Variants in PTPRJ observed in about 807,000 individuals in gnomAD.
PTPRJ encodes protein tyrosine phosphatase receptor type J.
PTPRJ carries 129 observed loss-of-function variants against 141.3 expected under a neutral mutation model. The ratio of observed to expected loss-of-function variants is 0.91; its 90% CI spans 0.79 to 1.06. PTPRJ has a LOEUF of 1.06. Ranked by LOEUF, PTPRJ falls within the 50% of genes least tolerant of loss-of-function variation. The pLI is 0.00. For missense variants in PTPRJ, 1,601 were observed against 1,679.7 expected (o/e 0.95, Z 0.82); for synonymous variants, 610 against 640.5 (o/e 0.95, Z 0.72).
intron 1 of PTPRJ, among the ~76,000 whole-genome samples, chr11:47,999,473 T>C (rs1440350714): frequency 6.6e-6 from 1 of 152,324 alleles, no homozygotes; most frequent in East Asian, 1.9e-4. Context: ...ATTCTCCCAA[T>C]TAGAACTTAG....
chr11:48,159,947 T>C lies in PTPRJ; in HGVS notation c.3456T>C (p.Tyr1152=). ...TGTTCTAGACCAAATGTGAGGAGTATTGGCCCTCCAAGCAGGCTCAGGACT... is the reference window on the plus strand; with the variant it reads ...TGTTCTAGACCAAATGTGAGGAGTACTGGCCCTCCAAGCAGGCTCAGGACT... The part of the protein sequence containing the change: ...VEQGRTKCEE[Y]WPSKQAQDYG... Residue 1152 remains tyrosine (Y), a synonymous_variant, in exon 22 of 25, where the codon TAT becomes TAC. Coordinates refer to ENST00000418331, the MANE Select transcript of PTPRJ (RefSeq NM_002843.4). The C allele has an allele frequency of 1.2e-6, 2 of 1,613,970 alleles. No homozygotes were observed. Among genetic ancestry groups the C allele is most frequent in the East Asian group, 2.2e-5 (1 of 44,858 alleles).
chr11:48,144,474 G>A lies in PTPRJ; in HGVS notation c.2576-201G>A, dbSNP rs1857305826. On this transcript the variant is annotated intron_variant, in intron 12 of 24. Transcript: ENST00000418331. Reference sequence around the variant, plus strand: ...TGTAAAATGGAGACAATAAGCTTATGTGATGGGATTCATGGGGATGAAGTG... The same window carrying A: ...TGTAAAATGGAGACAATAAGCTTATATGATGGGATTCATGGGGATGAAGTG... Among the ~76,000 whole-genome samples the A allele has an allele frequency of 2.0e-5, 3 of 152,220 alleles. No individual in the cohort carries two copies. In the South Asian group the frequency reaches 6.2e-4, roughly 31 times the overall value.
At chr11:48,163,164 G>C (rs1857828886) in intron 22 of PTPRJ, among the ~76,000 whole-genome samples, 1 of 152,172 alleles carries the variant, frequency 6.6e-6, no homozygotes, top group African/African-American at 2.4e-5. Flanking sequence ...TCTGAATGCA[G>C]AATTGGAGGA....
At chr11:48,157,289 A>AT (rs1338981217) in intron 21 of PTPRJ, among the ~76,000 whole-genome samples, 2 of 152,132 alleles carry the variant, frequency 1.3e-5, no homozygotes, top group African/African-American at 2.4e-5. Flanking sequence ...CCTGGCCAAT[A>AT]TTTTTTATAG....
intron 1 of PTPRJ, among the ~76,000 whole-genome samples, chr11:47,987,214 G>T (rs1456092380): frequency 6.7e-6 from 1 of 149,794 alleles, no homozygotes; most frequent in East Asian, 1.9e-4. Flanking sequence ...GTCTCAAAAA[G>T]AAAAAAAATA....
At chr11:48,067,288 C>T (rs573394688) in intron 1 of PTPRJ, among the ~76,000 whole-genome samples, 2 of 152,256 alleles carry the variant, frequency 1.3e-5, no homozygotes, top group African/African-American at 4.8e-5. Context: ...GGAGGAGACA[C>T]CATTCTGCGG....
Position 48,112,787 on chromosome 11 carries a change from C to T in PTPRJ, c.156C>T (p.Ala52=). The T allele has an allele frequency of 6.2e-7, 1 of 1,614,132 alleles. No homozygotes were observed. The highest frequency in any genetic ancestry group is 8.5e-7 in the Non-Finnish European group (1 of 1,180,026). ...PIPDPSVATV[A]TGENGITQIS... Reference sequence around the variant, plus strand: ...CTGACCCTTCAGTAGCAACTGTTGCCACAGGGGAAAATGGCATAACGCAGA... The same window carrying T: ...CTGACCCTTCAGTAGCAACTGTTGCTACAGGGGAAAATGGCATAACGCAGA... Residue 52 remains alanine (A), a synonymous_variant, in exon 3 of 25, where the codon GCC becomes GCT. Transcript: ENST00000418331.
At chr11:48,125,953 C>G (rs1308997854) in intron 6 of PTPRJ, among the ~76,000 whole-genome samples, 1 of 152,078 alleles carries the variant, frequency 6.6e-6, no homozygotes, top group African/African-American at 2.4e-5. Context: ...CTCATGGGGC[C>G]TGCAGTGACC....
At chr11:47,996,430 G>T (rs1854339740) in intron 1 of PTPRJ, among the ~76,000 whole-genome samples, 1 of 151,908 alleles carries the variant, frequency 6.6e-6, no homozygotes, top group Admixed American at 6.6e-5. Flanking sequence ...TTCCCTTATA[G>T]CTGTGTGACC....
At chr11:48,117,792 G>GT (rs139100338) in intron 3 of PTPRJ, among the ~76,000 whole-genome samples, 10,398 of 151,752 alleles carry the variant, frequency 0.069, 1,014 homozygotes, top group African/African-American at 0.22. Context: ...AAACTAAGTT[G>GT]TTTTTTTGAA....
rs1471508857 is a variant in PTPRJ at position 48,031,713 on chromosome 11, A to G, written c.96+50705A>G. Reference sequence around the variant, plus strand: ...AATGCAGGATTGGCAACATGCATCTAGTCTTTCTTGTGGTCTCCTGGTGCC... The same window carrying G: ...AATGCAGGATTGGCAACATGCATCTGGTCTTTCTTGTGGTCTCCTGGTGCC... On this transcript the variant is annotated intron_variant, in intron 1 of 24. Coordinates refer to ENST00000418331, the MANE Select transcript of PTPRJ (RefSeq NM_002843.4). 3.3e-5 allele frequency among the ~76,000 whole-genome samples: 5 copies of G among 152,278 alleles called. No individual in the cohort carries two copies. In the East Asian group the frequency reaches 7.7e-4, roughly 24 times the overall value.
rs767215189 is a variant in PTPRJ, at chr11:48,123,865, G to C, written c.869G>C (p.Gly290Ala). 6.2e-7 allele frequency: 1 copy of C among 1,613,578 alleles called. No homozygotes were observed. The highest frequency in any genetic ancestry group is 8.5e-7 in the Non-Finnish European group (1 of 1,179,630). ...TKGDPLGTEG[G>A]LDASNTERSR... The stretch of plus-strand genomic sequence containing the variant: ...GGAGACCCCTTGGGCACAGAAGGTG[G>C]CTTGGGTGAGTTACAAAGGGTACCT... Residue 290 changes from glycine (G) to alanine (A), a missense_variant, in exon 5 of 25, where the codon GGC (glycine) becomes GCC (alanine). Transcript: ENST00000418331.
intron 1 of PTPRJ, among the ~76,000 whole-genome samples, chr11:48,070,499 C>CCAAA (rs1204669284): frequency 7.8e-5 from 10 of 127,912 alleles, no homozygotes; most frequent in Non-Finnish European, 8.1e-5. Context: ...GACTCTGTCT[C>CCAAA]CAAAAAAAAA....
chr11:48,000,026 T>A (rs538727215), intron 1 of PTPRJ, among the ~76,000 whole-genome samples: 1 of 151,774 alleles, frequency 6.6e-6, no homozygotes, highest in Non-Finnish European at 1.5e-5. Context: ...CTGGCTAAAT[T>A]TTTTGTATTT....
chr11:48,098,871 C>A (rs1490515389), intron 1 of PTPRJ, among the ~76,000 whole-genome samples: 1 of 152,162 alleles, frequency 6.6e-6, no homozygotes, highest in Non-Finnish European at 1.5e-5. Flanking sequence ...TCTTATCCAC[C>A]AAAAATCTCC....
chr11:48,032,955 C>G (rs1161328922), intron 1 of PTPRJ, among the ~76,000 whole-genome samples: 1 of 151,602 alleles, frequency 6.6e-6, no homozygotes, highest in Non-Finnish European at 1.5e-5. Context: ...CAGTGGCTCA[C>G]GCCTGTAATC....
Position 48,158,265 on chromosome 11 carries a change from G to T in PTPRJ, c.3439-1665G>T, listed in dbSNP as rs759554449. 1.1e-4 allele frequency among the ~76,000 whole-genome samples: 16 copies of T among 152,156 alleles called. No homozygotes were observed. The highest frequency in any genetic ancestry group is 1.7e-4 in the African/African-American group (7 of 41,428). Reference sequence around the variant, plus strand: ...ATCTATCTGTTAGACAAACAAAAATGACATAATTACATTAATGGAGAACAT... The same window carrying T: ...ATCTATCTGTTAGACAAACAAAAATTACATAATTACATTAATGGAGAACAT... On this transcript the variant is annotated intron_variant, in intron 21 of 24. Coordinates refer to ENST00000418331, the MANE Select transcript of PTPRJ (RefSeq NM_002843.4). This position sits in a 1 kb window ranked among gnomAD's most constrained non-coding sequence, Gnocchi z 4.4.
chr11:48,000,896 G>T (rs1854479167), intron 1 of PTPRJ, among the ~76,000 whole-genome samples: 1 of 151,542 alleles, frequency 6.6e-6, no homozygotes, highest in Admixed American at 6.6e-5. Flanking sequence ...CTTGCTTGGT[G>T]AATGAATTGA....
At position 48,121,171 on chromosome 11, in the gene PTPRJ, C is replaced by CA; in HGVS notation, c.522dup (p.Gly175ArgfsTer19). The CA allele has an allele frequency of 6.2e-7, 1 of 1,614,134 alleles. No homozygotes were observed. ...GTGCATCAACCATGGTGTAACATCA[C>CA]AGGCTTACGTCCAGCGACTTCATAT... is the stretch of plus-strand genomic sequence containing the variant. On this transcript the variant is annotated frameshift_variant, in exon 4 of 25. Transcript: ENST00000418331. LOFTEE classifies it high-confidence loss of function.
Sources: gnomAD v4.1 joint callset for allele counts (sites outside exome capture counted in the v4.1 genomes callset) on GRCh38, gnomAD v4.1.1 for gene constraint, Gnocchi (gnomAD v3.1) non-coding constraint, MANE v1.5 for transcripts, NCBI Gene and HGNC (gene_info 2026-07-23, HGNC 2026-07-21) for gene names.